GABRA1: variants seen among roughly 807,000 people sequenced by gnomAD.
GABRA1 encodes gamma-aminobutyric acid type A receptor subunit alpha1, also known as gamma-aminobutyric acid receptor subunit alpha-1.
In GABRA1, 9 loss-of-function variants were observed where a neutral mutation model predicts 48.9. The observed-to-expected ratio is 0.18, with a 90% CI of 0.11 to 0.32. The LOEUF is 0.32. Ranked by LOEUF, GABRA1 falls within the 10% of genes least tolerant of loss-of-function variation. The pLI is 1.00. For synonymous variants in GABRA1, 210 were observed against 198.7 expected, an observed-to-expected ratio of 1.06 and a Z score of -0.48; for missense variants, 285 against 553.8, an observed-to-expected ratio of 0.51 and a Z score of 4.87.
intron 3 of GABRA1, among the ~76,000 whole-genome samples, chr5:161,860,482 G>C (rs1757808290): frequency 6.6e-6 from 1 of 151,338 alleles, no homozygotes; most frequent in Non-Finnish European, 1.5e-5. Flanking sequence ...AGGCAGGGTA[G>C]GGTAATGGGG....
chr5:161,883,552 C>G (rs1245816510), intron 7 of GABRA1, among the ~76,000 whole-genome samples: 1 of 152,134 alleles, frequency 6.6e-6, no homozygotes, highest in Non-Finnish European at 1.5e-5. Context: ...ACATGCCCCA[C>G]AAAGCCCATT....
chr5:161,880,437 C>T (rs1754565282), intron 6 of GABRA1, among the ~76,000 whole-genome samples: 2 of 152,154 alleles, frequency 1.3e-5, no homozygotes. Flanking sequence ...TCACATTTTA[C>T]ATCCCTCCTA....
At chr5:161,853,542 A>G (rs1438848569) in intron 2 of GABRA1, 3 of 151,996 alleles carry the variant, frequency 2.0e-5, no homozygotes, top group Middle Eastern at 3.4e-3. Flanking sequence ...AATAAAAATT[A>G]ATTAGATGTT....
intron 4 of GABRA1, 53 bp from the exon 5 acceptor site, chr5:161,873,064 G>A (rs924788188): frequency 3.7e-6 from 5 of 1,354,288 alleles, no homozygotes; most frequent in Non-Finnish European, 5.3e-6. Flanking sequence ...TTAGATATTT[G>A]CATTGCAAAA....
At chr5:161,868,011 T>C (rs1355748048) in intron 4 of GABRA1, among the ~76,000 whole-genome samples, 1 of 151,954 alleles carries the variant, frequency 6.6e-6, no homozygotes, top group Non-Finnish European at 1.5e-5. Context: ...GTTAAATTAC[T>C]CTTTTCTTGG....
intron 8 of GABRA1, among the ~76,000 whole-genome samples, 200 bp from the exon 9 acceptor site, chr5:161,895,466 C>T (rs1755319508): frequency 6.6e-6 from 1 of 152,152 alleles, no homozygotes; most frequent in Non-Finnish European, 1.5e-5. Flanking sequence ...AGATATCCCC[C>T]TCAATGCTGC....
intron 2 of GABRA1, among the ~76,000 whole-genome samples, chr5:161,853,920 A>T (rs1298280391): frequency 6.6e-6 from 1 of 151,858 alleles, no homozygotes; most frequent in African/African-American, 2.4e-5. Flanking sequence ...TTCAAAAAGT[A>T]AACAGACAGA....
intron 9 of GABRA1, among the ~76,000 whole-genome samples, chr5:161,896,506 T>TC (rs2113467324): frequency 6.6e-6 from 1 of 152,306 alleles, no homozygotes; most frequent in African/African-American, 2.4e-5. Context: ...GGATTTTATG[T>TC]CACAGCTTGG....
chr5:161,894,700 A>C (rs1349839205), intron 8 of GABRA1, among the ~76,000 whole-genome samples: 1 of 145,316 alleles, frequency 6.9e-6, no homozygotes, highest in Admixed American at 6.6e-5. Flanking sequence ...ACCTGACAGC[A>C]TTATACTTTT....
At position 161,895,828 on chromosome 5, in the gene GABRA1, G is replaced by A. The variant is rs773775590; in HGVS notation, c.1019G>A (p.Arg340Lys). 6.2e-7 allele frequency: 1 copy of A among 1,613,984 alleles called. No homozygotes were observed. Among genetic ancestry groups the A allele is most frequent in the Non-Finnish European group, 8.5e-7 (1 of 1,179,898 alleles). The change falls in exon 9 of 10, where the codon AGA (arginine) becomes AAA (lysine). Residue 340 changes from arginine to lysine, a missense_variant. Transcript: ENST00000393943. ...GCCACAGTAAACTATTTCACTAAGAGAGGTTATGCATGGGATGGCAAAAGT... is the reference window on the plus strand; with the variant it reads ...GCCACAGTAAACTATTTCACTAAGAAAGGTTATGCATGGGATGGCAAAAGT... ...EFATVNYFTK[R>K]GYAWDGKSVV...
chr5:161,894,145 C>T (rs2113458943), intron 8 of GABRA1, among the ~76,000 whole-genome samples: 1 of 152,244 alleles, frequency 6.6e-6, no homozygotes, highest in East Asian at 1.9e-4. Context: ...AGGCTAAGAG[C>T]TAAACACTTC....
At chr5:161,857,225 C>T (rs1159991668) in intron 3 of GABRA1, among the ~76,000 whole-genome samples, 3 of 151,236 alleles carry the variant, frequency 2.0e-5, no homozygotes, top group Non-Finnish European at 4.4e-5. Flanking sequence ...TGACAAAAGT[C>T]TTTTTTTATA....
rs771316858 is a variant in GABRA1, at chr5:161,897,207, T to G, written c.1156T>G (p.Leu386Val). 9.3e-6 allele frequency: 15 copies of G among 1,614,028 alleles called. No homozygotes were observed. The East Asian group carries it at 3.1e-4, about 34-fold the overall frequency. The change falls in exon 10 of 10, where the codon TTA becomes GTA. Residue 386 changes from leucine (L) to valine (V), a missense_variant. Leu to Val is a conservative substitution (Grantham distance 32, BLOSUM62 1). Transcript: ENST00000393943. The stretch of plus-strand genomic sequence containing the variant: ...TAATTTGGCCAGGGGCGACCCGGGC[T>G]TAGCCACCATTGCTAAAAGTGCAAC... ...TPNLARGDPGLATIAKSATIE... is the reference protein window; with the variant it reads ...TPNLARGDPGVATIAKSATIE...
At chr5:161,848,930 T>C (rs780390778) in intron 1 of GABRA1, 29 of 454,580 alleles carry the variant, frequency 6.4e-5, no homozygotes, top group Admixed American at 3.5e-4. Context: ...AATTGCCTGT[T>C]TTTCCCTTTC....
chr5:161,892,495 T>C (rs1200323288), intron 8 of GABRA1, among the ~76,000 whole-genome samples: 1 of 152,210 alleles, frequency 6.6e-6, no homozygotes, highest in Non-Finnish European at 1.5e-5. Flanking sequence ...CCTAAGCATA[T>C]AGCTAAATTA....
At chr5:161,853,304 C>T (rs1416597876) in intron 2 of GABRA1, among the ~76,000 whole-genome samples, 1 of 151,796 alleles carries the variant, frequency 6.6e-6, no homozygotes, top group Non-Finnish European at 1.5e-5. Flanking sequence ...CAGGCTACAT[C>T]TCCAACTAGC....
Position 161,891,119 on chromosome 5 carries a change from T to G in GABRA1, c.856+69T>G, listed in dbSNP as rs1755068839. On this transcript the variant is annotated intron_variant, in intron 8 of 9. Coordinates refer to ENST00000393943, the MANE Select transcript of GABRA1 (RefSeq NM_001127644.2). ...ACAAGTTATGTCATATCTGTGACAC[T>G]GCAAAGAGAAATAAAAAAAAATATA... The G allele has an allele frequency of 2.4e-5, 34 of 1,417,724 alleles. 1 individual carries two copies. The South Asian group carries it at 3.9e-4, about 16-fold the overall frequency. The allele number at this position is 1,417,724 out of a possible 1,614,324, so 87.8% of individuals were successfully genotyped here.
At chr5:161,888,683 G>A (rs1754954698) in intron 7 of GABRA1, among the ~76,000 whole-genome samples, 1 of 151,800 alleles carries the variant, frequency 6.6e-6, no homozygotes, top group Admixed American at 6.6e-5. Context: ...GTGTAGCATG[G>A]GTATGTCCAC....
chr5:161,882,483 T>A (rs1053962946), intron 6 of GABRA1, 75 bp from the exon 7 acceptor site: 5 of 1,350,438 alleles, frequency 3.7e-6, no homozygotes, highest in Non-Finnish European at 3.2e-6. Context: ...AATATGAAGC[T>A]GATGAAAGGT....
Sources: gnomAD v4.1 joint callset for allele counts (sites outside exome capture counted in the v4.1 genomes callset) on GRCh38, gnomAD v4.1.1 for gene constraint, MANE v1.5 for transcripts, NCBI Gene and HGNC (gene_info 2026-07-23, HGNC 2026-07-21) for gene names.